Variants in PDS5B observed in about 807,000 individuals in gnomAD.
PDS5B encodes the protein sister chromatid cohesion protein PDS5 homolog B.
In PDS5B, 51 loss-of-function variants were observed where a neutral mutation model predicts 184.1. The observed-to-expected ratio is 0.28, with a 90% CI of 0.22 to 0.35. The LOEUF is 0.35. PDS5B is among the 10% of genes least tolerant of loss of function. The probability of loss-of-function intolerance (pLI) is 1.00; values close to 1 mark genes in which losing one functional copy is unlikely to be tolerated. For synonymous variants in PDS5B, 566 were observed against 569.2 expected (o/e 0.99, Z 0.08); for missense variants, 1,180 against 1,723.3 (o/e 0.68, Z 5.58).
intron 13 of PDS5B, among the ~76,000 whole-genome samples, chr13:32,691,837 C>A (rs1013219551): frequency 3.9e-5 from 6 of 152,086 alleles, no homozygotes; most frequent in Non-Finnish European, 7.4e-5. Context: ...TGGATTTCTA[C>A]GTCCTCCTGT....
intron 1 of PDS5B, among the ~76,000 whole-genome samples, chr13:32,618,823 T>C (rs939953707): frequency 2.6e-5 from 4 of 152,226 alleles, no homozygotes; most frequent in African/African-American, 9.6e-5. Context: ...GGTTGCTTTT[T>C]TTCTTTTTTC....
chr13:32,647,033 T>C (rs1342856566), intron 1 of PDS5B, among the ~76,000 whole-genome samples: 1 of 152,188 alleles, frequency 6.6e-6, no homozygotes, highest in Admixed American at 6.5e-5. Context: ...TCTGGAATTA[T>C]TATTATTTTA....
intron 1 of PDS5B, among the ~76,000 whole-genome samples, chr13:32,593,706 A>C (rs1381857799): frequency 6.6e-6 from 1 of 152,194 alleles, no homozygotes; most frequent in Non-Finnish European, 1.5e-5. Flanking sequence ...ATAAGGAAGG[A>C]AAATATATTT....
intron 1 of PDS5B, among the ~76,000 whole-genome samples, chr13:32,623,087 T>C (rs1320135870): frequency 6.6e-6 from 1 of 152,180 alleles, no homozygotes; most frequent in Non-Finnish European, 1.5e-5. Context: ...TCAACTGTTT[T>C]CGTGTGCTGA....
At chr13:32,618,146 G>C (rs1367114141) in intron 1 of PDS5B, among the ~76,000 whole-genome samples, 10 of 152,164 alleles carry the variant, frequency 6.6e-5, no homozygotes, top group Non-Finnish European at 1.0e-4. Flanking sequence ...CGTGGCCTAA[G>C]CACTCAGGCC....
chr13:32,650,406 T>C (rs1439712827), intron 2 of PDS5B: 2 of 152,226 alleles, frequency 1.3e-5, no homozygotes, highest in Non-Finnish European at 2.9e-5. Context: ...TGTAGGATGA[T>C]ATGTACAAAT....
intron 31 of PDS5B, among the ~76,000 whole-genome samples, chr13:32,767,428 C>G (rs1187732136): frequency 6.6e-6 from 1 of 152,056 alleles, no homozygotes; most frequent in Non-Finnish European, 1.5e-5. Context: ...TTTTTGTAAT[C>G]TTAGAAAAAT....
chr13:32,697,638 T>C (rs1426215281), intron 15 of PDS5B, among the ~76,000 whole-genome samples: 1 of 152,226 alleles, frequency 6.6e-6, no homozygotes, highest in Non-Finnish European at 1.5e-5. Context: ...TCTTCTGTCC[T>C]GGGAAAACTA....
At chr13:32,721,758 T>C (rs1241731622) in intron 19 of PDS5B, among the ~76,000 whole-genome samples, 1 of 138,174 alleles carries the variant, frequency 7.2e-6, no homozygotes, top group Non-Finnish European at 1.6e-5. Flanking sequence ...CTTCCCAGAC[T>C]GGGTGGCCTG....
intron 1 of PDS5B, among the ~76,000 whole-genome samples, chr13:32,618,374 A>G (rs561878005): frequency 6.6e-6 from 1 of 152,336 alleles, no homozygotes; most frequent in East Asian, 1.9e-4. Context: ...TGTTATAATT[A>G]AACAATTGCT....
chr13:32,725,368 C>T (rs914107540), intron 19 of PDS5B, among the ~76,000 whole-genome samples: 1 of 152,050 alleles, frequency 6.6e-6, no homozygotes, highest in African/African-American at 2.4e-5. Flanking sequence ...GAAGCCTCTT[C>T]AAGTTAGTCC....
At chr13:32,766,192 T>G (rs1455943617) in intron 31 of PDS5B, among the ~76,000 whole-genome samples, 3 of 152,208 alleles carry the variant, frequency 2.0e-5, no homozygotes, top group Admixed American at 1.3e-4. Context: ...GTTGGAAAAG[T>G]CAACTAGGTC....
At chr13:32,761,586 T>C (rs1593632452) in intron 30 of PDS5B, among the ~76,000 whole-genome samples, 1 of 152,334 alleles carries the variant, frequency 6.6e-6, no homozygotes, top group Non-Finnish European at 1.5e-5. Flanking sequence ...TTGCTGTTCC[T>C]GTGTTAATTT....
chr13:32,738,244 G>A (rs1055709048), intron 21 of PDS5B, among the ~76,000 whole-genome samples: 20 of 152,228 alleles, frequency 1.3e-4, no homozygotes, highest in African/African-American at 4.6e-4. Context: ...TACGAGTGAA[G>A]TTGATGAATC....
At chr13:32,592,839 C>G (rs917521392) in intron 1 of PDS5B, among the ~76,000 whole-genome samples, 11 of 152,086 alleles carry the variant, frequency 7.2e-5, no homozygotes, top group African/African-American at 2.7e-4. Context: ...ACTTAAGAGT[C>G]AAGACAGCTT....
chr13:32,636,890 A>G (rs1312274385), intron 1 of PDS5B, among the ~76,000 whole-genome samples: 4 of 152,180 alleles, frequency 2.6e-5, no homozygotes, highest in Non-Finnish European at 5.9e-5. Flanking sequence ...AGCTTCCCTG[A>G]TTGACAGGTG....
intron 30 of PDS5B, among the ~76,000 whole-genome samples, chr13:32,761,812 G>T (rs993978462): frequency 6.6e-6 from 1 of 152,098 alleles, no homozygotes; most frequent in South Asian, 2.1e-4. Flanking sequence ...TTGCATTTGG[G>T]TATATAACCA....
At chr13:32,706,292 A>AAATG (rs1369937975) in intron 17 of PDS5B, among the ~76,000 whole-genome samples, 14 of 136,654 alleles carry the variant, frequency 1.0e-4, no homozygotes, top group African/African-American at 3.5e-4. Context: ...ATAAATAAAT[A>AAATG]AATAAATAAA....
intron 19 of PDS5B, among the ~76,000 whole-genome samples, chr13:32,723,486 G>A (rs1340844383): frequency 2.0e-5 from 3 of 152,152 alleles, no homozygotes; most frequent in African/African-American, 7.2e-5. Flanking sequence ...AATAGGAAAA[G>A]CAGTCAGCAT....
Sources: gnomAD v4.1 joint callset for allele counts (sites outside exome capture counted in the v4.1 genomes callset) on GRCh38, gnomAD v4.1.1 for gene constraint, MANE v1.5 for transcripts, NCBI Gene and HGNC (gene_info 2026-07-23, HGNC 2026-07-21) for gene names.